Variants in AKAP6 observed in about 807,000 individuals in gnomAD.
The protein encoded by AKAP6 is A-kinase anchor protein 6.
In AKAP6, 58 loss-of-function variants were observed where a neutral mutation model predicts 188.5. The ratio of observed to expected loss-of-function variants is 0.31; its 90% CI spans 0.25 to 0.38. The LOEUF is 0.38. Ranked by LOEUF, AKAP6 falls within the 10% of genes least tolerant of loss-of-function variation. The pLI is 1.00. For synonymous variants in AKAP6, 989 were observed against 998.6 expected (o/e 0.99, Z 0.18); for missense variants, 2,710 against 2,740.0 (o/e 0.99, Z 0.24).
At chr14:32,745,477 C>CTG (rs1566682277) in intron 11 of AKAP6, among the ~76,000 whole-genome samples, 188 of 139,602 alleles carry the variant, frequency 1.3e-3, no homozygotes, top group African/African-American at 5.2e-3. Flanking sequence ...CTCTCTCTCT[C>CTG]TCTCTCTCTC....
intron 5 of AKAP6, among the ~76,000 whole-genome samples, chr14:32,581,040 T>C (rs1451751366): frequency 2.0e-5 from 3 of 152,216 alleles, no homozygotes; most frequent in East Asian, 3.8e-4. Flanking sequence ...TATAGCAGCA[T>C]GATTTAAAGT....
chr14:32,492,799 C>T (rs1004075430), intron 2 of AKAP6, among the ~76,000 whole-genome samples: 2 of 152,116 alleles, frequency 1.3e-5, no homozygotes, highest in Admixed American at 6.5e-5. Context: ...GGTCCAAATA[C>T]TTTTGCCACT....
At chr14:32,527,469 T>TA (rs1411965199) in intron 2 of AKAP6, among the ~76,000 whole-genome samples, 1 of 152,210 alleles carries the variant, frequency 6.6e-6, no homozygotes, top group African/African-American at 2.4e-5. Flanking sequence ...CTCCTTTGGG[T>TA]AAAAACCAAG....
chr14:32,522,998 A>T (rs1182788913), intron 2 of AKAP6, among the ~76,000 whole-genome samples: 4 of 152,322 alleles, frequency 2.6e-5, no homozygotes, highest in African/African-American at 9.6e-5. Flanking sequence ...ATGCAGCCAC[A>T]AAAAAGGATG....
intron 7 of AKAP6, among the ~76,000 whole-genome samples, chr14:32,630,994 A>G (rs1156897270): frequency 6.6e-6 from 1 of 152,012 alleles, no homozygotes; most frequent in African/African-American, 2.4e-5. Context: ...TCTACTGCTA[A>G]TAGTTTTGTT....
intron 12 of AKAP6, among the ~76,000 whole-genome samples, chr14:32,792,680 C>A (rs924049665): frequency 6.6e-6 from 1 of 152,198 alleles, no homozygotes. Context: ...TGAGAGAAGG[C>A]ATCCTTGTCT....
At chr14:32,722,308 ACAGT>A (rs1251813751) in intron 9 of AKAP6, among the ~76,000 whole-genome samples, 3 of 152,158 alleles carry the variant, frequency 2.0e-5, no homozygotes, top group Non-Finnish European at 1.5e-5. Flanking sequence ...CTAGCAAATC[ACAGT>A]CAAACTAATA....
chr14:32,822,844 ATCT>A lies in AKAP6; in HGVS notation c.5035_5037del (p.Ser1679del). ...CTGGCCAGATGTCATTGGACATAGC[ATCT>A]TCTATCAATGAAGACTCAGCGGCAT... On this transcript the variant is annotated inframe_deletion, in exon 13 of 14. Transcript: ENST00000280979. 6.2e-7 allele frequency: 1 copy of A among 1,613,966 alleles called. No individual in the cohort carries two copies. The highest frequency in any genetic ancestry group is 8.5e-7 in the Non-Finnish European group (1 of 1,179,932).
chr14:32,623,854 TG>T lies in AKAP6; in HGVS notation c.2730+23063del, dbSNP rs377472911. 2.0e-4 allele frequency among the ~76,000 whole-genome samples: 31 copies of T among 152,260 alleles called. No individual in the cohort carries two copies. In the East Asian group the frequency reaches 4.8e-3, roughly 24 times the overall value. On this transcript the variant is annotated intron_variant, in intron 7 of 13. Coordinates refer to ENST00000280979, the MANE Select transcript of AKAP6 (RefSeq NM_004274.5). ...GCACTGAGCAGTAAGTGGGCTCCAC[TG>T]TCTGTCTGCATCTGACTGCCCCGAC...
chr14:32,662,984 A>G (rs1246919807), intron 7 of AKAP6, among the ~76,000 whole-genome samples: 2 of 152,106 alleles, frequency 1.3e-5, no homozygotes, highest in African/African-American at 2.4e-5. Context: ...GTTATTTACC[A>G]ATTTTGGTGG....
intron 2 of AKAP6, among the ~76,000 whole-genome samples, chr14:32,513,046 T>A (rs548884518): frequency 6.6e-6 from 1 of 152,314 alleles, no homozygotes; most frequent in East Asian, 1.9e-4. Context: ...ACTCCCCCAG[T>A]AATTACTCAA....
chr14:32,778,363 G>T (rs932285520), intron 12 of AKAP6, among the ~76,000 whole-genome samples: 5 of 152,026 alleles, frequency 3.3e-5, no homozygotes, highest in African/African-American at 1.2e-4. Context: ...ACAGCTTATT[G>T]TCTATTTATA....
rs562812694 is a variant in AKAP6, at chr14:32,449,517, A to G, written c.324+15700A>G. 4.1e-4 allele frequency among the ~76,000 whole-genome samples: 38 copies of G among 92,394 alleles called. No homozygotes were observed. In the East Asian group the frequency reaches 7.9e-3, roughly 19 times the overall value. The allele number at this position is 92,394 out of a possible 152,430, so 60.6% of individuals were successfully genotyped here. A position where few individuals can be genotyped will look rare whatever the true frequency, so the allele number is the denominator to read the frequency against. On this transcript the variant is annotated intron_variant, in intron 2 of 13. Coordinates refer to ENST00000280979, the MANE Select transcript of AKAP6 (RefSeq NM_004274.5). ...AGCCTGGGCAATGGAGCTAGACTCC[A>G]TCTCAAAAAAAAAAAAAAAAAAAAG...
Position 32,678,298 on chromosome 14 carries a change from T to G in AKAP6, c.2731-13T>G. The G allele has an allele frequency of 6.2e-7, 1 of 1,603,466 alleles. No homozygotes were observed. On this transcript the variant is annotated splice_polypyrimidine_tract_variant and intron_variant, in intron 7 of 13. Transcript: ENST00000280979. ...GGATTAAAACAGCAATTTCTCTTTG[T>G]TTCTCTTTCCAGGCTGAGGTTCAAC...
chr14:32,759,900 G>T (rs2032480037), intron 11 of AKAP6, among the ~76,000 whole-genome samples: 1 of 152,164 alleles, frequency 6.6e-6, no homozygotes, highest in Non-Finnish European at 1.5e-5. Context: ...TGAGATTTGG[G>T]CAGGGACAGC....
chr14:32,800,644 T>C (rs1243400572), intron 12 of AKAP6, among the ~76,000 whole-genome samples: 1 of 152,020 alleles, frequency 6.6e-6, no homozygotes, highest in African/African-American at 2.4e-5. Context: ...ACACTCTAGC[T>C]TCCTTTTGAT....
chr14:32,719,127 A>C (rs1232078085), intron 9 of AKAP6, among the ~76,000 whole-genome samples: 1 of 151,980 alleles, frequency 6.6e-6, no homozygotes, highest in Non-Finnish European at 1.5e-5. Flanking sequence ...AAGATTATAG[A>C]TGTGAAAACC....
At chr14:32,801,250 CATTTT>C (rs1555363956) in intron 12 of AKAP6, among the ~76,000 whole-genome samples, 1 of 151,576 alleles carries the variant, frequency 6.6e-6, no homozygotes, top group Non-Finnish European at 1.5e-5. Context: ...TTTAAATGAA[CATTTT>C]ATTTCATTTC....
At chr14:32,667,162 A>G (rs1443216996) in intron 7 of AKAP6, among the ~76,000 whole-genome samples, 1 of 152,126 alleles carries the variant, frequency 6.6e-6, no homozygotes, top group Non-Finnish European at 1.5e-5. Flanking sequence ...TTTATCGTGC[A>G]TGACCCTCGG....
Sources: allele counts gnomAD v4.1 joint callset (sites outside exome capture counted in the v4.1 genomes callset), GRCh38; gene constraint gnomAD v4.1.1; transcripts MANE v1.5; gene names NCBI Gene and HGNC (gene_info 2026-07-23, HGNC 2026-07-21).